SV2C: variants seen among roughly 807,000 people sequenced by gnomAD.
SV2C encodes the protein synaptic vesicle glycoprotein 2C, also known as solute carrier family 22 member B3.
Under a neutral mutation model 79.7 loss-of-function variants are expected in SV2C, and 49 were observed. The ratio of observed to expected loss-of-function variants is 0.61; its 90% CI spans 0.49 to 0.78. The LOEUF (loss-of-function observed/expected upper bound fraction) is 0.78. SV2C is among the 30% of genes least tolerant of loss of function. SV2C has a pLI of 0.00. For missense variants in SV2C, 833 were observed against 912.9 expected, an observed-to-expected ratio of 0.91 and a Z score of 1.13; for synonymous variants, 334 against 333.2, an observed-to-expected ratio of 1.00 and a Z score of -0.03.
the SV2C span, among the ~76,000 whole-genome samples, chr5:76,016,965 T>G: frequency 6.6e-6 from 1 of 152,228 alleles, no homozygotes; most frequent in Non-Finnish European, 1.5e-5. Flanking sequence ...GCATCTGTGT[T>G]TGTTGTCATA....
At chr5:76,090,091 G>A (rs746425550) in intron 1 of SV2C, among the ~76,000 whole-genome samples, 16 of 152,188 alleles carry the variant, frequency 1.1e-4, no homozygotes, top group Non-Finnish European at 2.1e-4. Context: ...CCTAATGCAA[G>A]GTAGTCCAGA....
chr5:76,195,257 T>C (rs1469393923), intron 3 of SV2C, among the ~76,000 whole-genome samples, 158 bp downstream of exon 3: 1 of 152,198 alleles, frequency 6.6e-6, no homozygotes, highest in Non-Finnish European at 1.5e-5. Context: ...AGAAATATAA[T>C]TATCAACCTT....
At chr5:75,967,507 G>C in the SV2C span, among the ~76,000 whole-genome samples, 2 of 152,160 alleles carry the variant, frequency 1.3e-5, no homozygotes, top group Non-Finnish European at 2.9e-5. Context: ...TTAACAAATG[G>C]CACACCAGGA....
chr5:75,876,431 G>A, the SV2C span, among the ~76,000 whole-genome samples: 8 of 152,076 alleles, frequency 5.3e-5, no homozygotes, highest in African/African-American at 1.7e-4. Context: ...GGGGTAGGGT[G>A]GGAAGAGAGA....
intron 4 of SV2C, among the ~76,000 whole-genome samples, chr5:76,282,240 A>G (rs1036854640): frequency 8.5e-5 from 13 of 152,260 alleles, no homozygotes; most frequent in Non-Finnish European, 1.8e-4. Flanking sequence ...GCAAATTGAT[A>G]TAATAAGCAG....
the SV2C span, among the ~76,000 whole-genome samples, chr5:76,058,209 T>C: frequency 6.6e-6 from 1 of 152,102 alleles, no homozygotes; most frequent in Non-Finnish European, 1.5e-5. Flanking sequence ...TAAAACTGTA[T>C]CTACACCTGA....
At chr5:75,878,225 C>T in the SV2C span, among the ~76,000 whole-genome samples, 9 of 152,140 alleles carry the variant, frequency 5.9e-5, no homozygotes, top group East Asian at 3.9e-4. Context: ...ATCTAAGTTT[C>T]GTAGAGTGTT....
chr5:75,967,646 G>A, the SV2C span, among the ~76,000 whole-genome samples: 2 of 152,344 alleles, frequency 1.3e-5, no homozygotes, highest in East Asian at 3.9e-4. Flanking sequence ...CATTGCCGAG[G>A]CTTCAGTAGA....
intron 12 of SV2C, among the ~76,000 whole-genome samples, chr5:76,339,558 C>CA (rs1272232957): frequency 6.6e-6 from 1 of 151,834 alleles, no homozygotes; most frequent in Non-Finnish European, 1.5e-5. Context: ...ACTAAAAATA[C>CA]AAAAAATTAA....
intron 12 of SV2C, among the ~76,000 whole-genome samples, chr5:76,309,210 A>G (rs1223786357): frequency 6.6e-6 from 1 of 152,142 alleles, no homozygotes; most frequent in African/African-American, 2.4e-5. Flanking sequence ...GGAGACTTTG[A>G]GCTGTCTTAC....
chr5:75,947,592 AG>A, the SV2C span, among the ~76,000 whole-genome samples: 2 of 152,042 alleles, frequency 1.3e-5, no homozygotes, highest in Admixed American at 6.6e-5. Flanking sequence ...TCCACTACGC[AG>A]AGTGAAAGGA....
intron 12 of SV2C, among the ~76,000 whole-genome samples, chr5:76,319,079 A>C (rs116636753): frequency 0.011 from 1,679 of 152,280 alleles, 31 homozygotes; most frequent in African/African-American, 0.039. Context: ...CACTTTGTGA[A>C]TGGTTTTTCT....
At chr5:75,974,180 T>C in the SV2C span, among the ~76,000 whole-genome samples, 7 of 152,180 alleles carry the variant, frequency 4.6e-5, no homozygotes, top group Middle Eastern at 3.4e-3. Context: ...TCTACATAGA[T>C]GTTTGGATTT....
chr5:76,130,179 AAGAGC>A lies in SV2C; in HGVS notation c.-101-1470_-101-1466del, dbSNP rs1748839546. ...AAAAAAAAAAAAAAAAAAAAAAAAAAAGAGCTGGGGGAGAACAAACAGAAAAATCA... is the reference window on the plus strand; with the variant it reads ...AAAAAAAAAAAAAAAAAAAAAAAAAATGGGGGAGAACAAACAGAAAAATCA... On this transcript the variant is annotated intron_variant, in intron 1 of 12. Transcript: ENST00000502798. 1.2e-4 allele frequency among the ~76,000 whole-genome samples: 12 copies of A among 98,276 alleles called. 1 individual carries two copies. The highest frequency in any genetic ancestry group is 5.0e-4 in the African/African-American group (12 of 24,084). The allele number at this position is 98,276 out of a possible 152,430, so 64.5% of individuals were successfully genotyped here.
chr5:76,274,533 T>C (rs1424646055), intron 4 of SV2C, among the ~76,000 whole-genome samples: 4 of 152,148 alleles, frequency 2.6e-5, no homozygotes, highest in Admixed American at 6.6e-5. Context: ...TTGGACATTT[T>C]CCATATATCT....
intron 2 of SV2C, among the ~76,000 whole-genome samples, chr5:76,164,071 A>G (rs1178077705): frequency 6.6e-6 from 1 of 152,128 alleles, no homozygotes; most frequent in Admixed American, 6.6e-5. Flanking sequence ...TCACCCATCT[A>G]TGCTCTTCTT....
upstream of SV2C, chr5:76,081,990 T>C (rs563825980): frequency 6.6e-6 from 1 of 152,306 alleles, no homozygotes; most frequent in Non-Finnish European, 1.5e-5. Context: ...CATTCAGCCA[T>C]CCATTCAATC....
the SV2C span, among the ~76,000 whole-genome samples, chr5:75,973,248 T>C: frequency 6.6e-6 from 1 of 151,822 alleles, no homozygotes; most frequent in Non-Finnish European, 1.5e-5. Context: ...ATGGGTGCAG[T>C]ACACCAACAT....
the SV2C span, among the ~76,000 whole-genome samples, chr5:75,895,748 A>G: frequency 6.6e-6 from 1 of 152,042 alleles, no homozygotes; most frequent in Non-Finnish European, 1.5e-5. Context: ...GTCAAGGGTG[A>G]TGTGAGAGTA....
Sources: gnomAD v4.1 joint callset for allele counts (sites outside exome capture counted in the v4.1 genomes callset) on GRCh38, gnomAD v4.1.1 for gene constraint, MANE v1.5 for transcripts, NCBI Gene and HGNC (gene_info 2026-07-23, HGNC 2026-07-21) for gene names.